The following MED17 variants were observed in gnomAD, a reference collection of about 807,000 sequenced individuals.
MED17 encodes mediator complex subunit 17, also known as mediator of RNA polymerase II transcription subunit 17.
MED17 carries 49 observed loss-of-function variants against 80.8 expected under a neutral mutation model. The observed-to-expected ratio is 0.61, with a 90% CI of 0.48 to 0.77. MED17 has a LOEUF of 0.77. Ranked by LOEUF, MED17 falls within the 30% of genes least tolerant of loss-of-function variation. The pLI, the probability that MED17 is intolerant of heterozygous loss-of-function variation, is 0.00. For missense variants in MED17, 718 were observed against 787.0 expected, an observed-to-expected ratio of 0.91 and a Z score of 1.05; for synonymous variants, 281 against 280.4, an observed-to-expected ratio of 1.00 and a Z score of -0.02.
At chr11:93,802,673 A>G (rs669565) in intron 9 of MED17, among the ~76,000 whole-genome samples, 123,027 of 152,064 alleles carry the variant, frequency 0.81, 50,805 homozygotes, top group Non-Finnish European at 0.88. Flanking sequence ...ATTCTAGCCT[A>G]TACTCTCCAT....
rs1032631868 is a variant in MED17, at chr11:93,796,313, C to T, written c.1013-97C>T. The T allele has an allele frequency of 3.3e-5, 38 of 1,161,696 alleles. 1 individual carries two copies. Among genetic ancestry groups the T allele is most frequent in the Admixed American group, 2.2e-4 (13 of 57,922 alleles). The allele number at this position is 1,161,696 out of a possible 1,614,324, so 72.0% of individuals were successfully genotyped here. Reference sequence around the variant, plus strand: ...TCTGATCTTCAAGTTTAGAATATATCTTTTGAAAATGAACTATGATTATAC... The same window carrying T: ...TCTGATCTTCAAGTTTAGAATATATTTTTTGAAAATGAACTATGATTATAC... On this transcript the variant is annotated intron_variant, in intron 6 of 11. Coordinates refer to ENST00000251871, the MANE Select transcript of MED17 (RefSeq NM_004268.5).
At chr11:93,811,605 G>A in intron 11 of MED17, 1 of 513,596 alleles carries the variant, frequency 1.9e-6, no homozygotes, top group Non-Finnish European at 3.5e-6. Flanking sequence ...GACATTCCTA[G>A]GTCAAAACTC....
intron 9 of MED17, among the ~76,000 whole-genome samples, chr11:93,802,524 CAT>C (rs1410525427): frequency 6.6e-6 from 1 of 152,136 alleles, no homozygotes; most frequent in Non-Finnish European, 1.5e-5. Context: ...GTAAATGTCA[CAT>C]ATTTGAGCTG....
intron 10 of MED17, chr11:93,808,481 T>C (rs1301440488): frequency 6.6e-6 from 1 of 151,466 alleles, no homozygotes; most frequent in Admixed American, 6.6e-5. Context: ...TCTAACTGTA[T>C]TTTCCCTAAT....
At chr11:93,791,270 T>C (rs1475766805) in intron 3 of MED17, among the ~76,000 whole-genome samples, 1 of 152,228 alleles carries the variant, frequency 6.6e-6, no homozygotes. Flanking sequence ...CTAGTTTCTA[T>C]TTCAAAACCT....
intron 7 of MED17, chr11:93,796,816 G>A (rs1943908541): frequency 2.4e-6 from 1 of 411,624 alleles, no homozygotes; most frequent in Non-Finnish European, 4.6e-6. Context: ...GGGTGATTCT[G>A]ACCGGGGGAG....
At position 93,794,951 on chromosome 11, in the gene MED17, T is replaced by C. The variant is rs1943884490; in HGVS notation, c.903T>C (p.Val301=). ...CAAAATTAGAAGCGGCACAGAATGT[T>C]CTCTTATGTAAAGAAATTTTTGCAC... ...WQTKLEAAQN[V]LLCKEIFAQL... Residue 301 remains valine, a synonymous_variant, in exon 6 of 12, where the codon GTT becomes GTC. Coordinates refer to ENST00000251871, the MANE Select transcript of MED17 (RefSeq NM_004268.5). 3.1e-6 allele frequency: 5 copies of C among 1,614,090 alleles called. No homozygotes were observed. The highest frequency in any genetic ancestry group is 4.2e-6 in the Non-Finnish European group (5 of 1,180,024).
At position 93,811,684 on chromosome 11, in the gene MED17, T is replaced by TA. The variant is rs1192874660; in HGVS notation, c.1745-168dup. ...TTATACCATCCTCTTATATAGAAGT[T>TA]AGAGTTTTTCTCTTGCATGTTGAAA... On this transcript the variant is annotated intron_variant, in intron 11 of 11. Transcript: ENST00000251871. The TA allele has an allele frequency of 1.3e-5, 8 of 625,456 alleles. No individual in the cohort carries two copies. The African/African-American group carries it at 1.3e-4, about 10-fold the overall frequency. The allele number at this position is 625,456 out of a possible 1,614,324, so 38.7% of individuals were successfully genotyped here. A position where few individuals can be genotyped will look rare whatever the true frequency, so the allele number is the denominator to read the frequency against.
At chr11:93,794,762 CTCTA>C in intron 5 of MED17, 142 bp from the exon 6 acceptor site, 1 of 867,744 alleles carries the variant, frequency 1.2e-6, no homozygotes, top group East Asian at 2.6e-5. Context: ...TTTTGACAGT[CTCTA>C]TAGAGACTGA....
chr11:93,789,509 G>A (rs148044495), intron 2 of MED17: 1 of 152,084 alleles, frequency 6.6e-6, no homozygotes, highest in African/African-American at 2.4e-5. Flanking sequence ...TGTTTATGAA[G>A]CTTTTTATGT....
Position 93,812,864 on chromosome 11 carries a change from T to C in MED17, c.*800T>C, listed in dbSNP as rs1944097340. 1 of 152,324 alleles carries C rather than the reference T, an allele frequency of 6.6e-6. No homozygotes were observed. Among genetic ancestry groups the C allele is most frequent in the Non-Finnish European group, 1.5e-5 (1 of 68,148 alleles). The allele number at this position is 152,324 out of a possible 1,614,324, so 9.4% of individuals were successfully genotyped here. On this transcript the variant is annotated 3_prime_UTR_variant, in exon 12 of 12. Coordinates refer to ENST00000251871, the MANE Select transcript of MED17 (RefSeq NM_004268.5). ...AAGGCAATAGGAGGCAGATTATCTC[T>C]TTAGGGCGTCCTCAAGTTTTTTTGG...
chr11:93,786,696 G>A (rs1943774626), intron 1 of MED17, among the ~76,000 whole-genome samples: 1 of 152,102 alleles, frequency 6.6e-6, no homozygotes, highest in African/African-American at 2.4e-5. Context: ...TTAAATACCT[G>A]ATGTCAGGTG....
At chr11:93,794,607 G>A in intron 5 of MED17, 1 of 445,820 alleles carries the variant, frequency 2.2e-6, no homozygotes, top group Non-Finnish European at 4.1e-6. Flanking sequence ...AACCCAGTGA[G>A]GTTTATCTGT....
intron 3 of MED17, chr11:93,793,359 C>A: frequency 4.3e-6 from 1 of 230,490 alleles, no homozygotes; most frequent in Non-Finnish European, 8.5e-6. Flanking sequence ...TCAGGTGATC[C>A]ATCCGCCTCG....
At chr11:93,796,250 C>T (rs1943900031) in intron 6 of MED17, 160 bp from the exon 7 acceptor site, 9 of 757,120 alleles carry the variant, frequency 1.2e-5, no homozygotes, top group Non-Finnish European at 1.9e-5. Context: ...CGCACCCGGC[C>T]AAATAGTAAT....
chr11:93,793,534 A>G (rs1943865090), intron 3 of MED17, 194 bp from the exon 4 acceptor site: 1 of 539,368 alleles, frequency 1.9e-6, no homozygotes, highest in African/African-American at 1.9e-5. Context: ...TTTAAGGTAA[A>G]TAACCACCCC....
chr11:93,792,472 G>T (rs1943847404), intron 3 of MED17, among the ~76,000 whole-genome samples: 1 of 152,168 alleles, frequency 6.6e-6, no homozygotes, highest in African/African-American at 2.4e-5. Context: ...TTTCTTTGGG[G>T]TAGTCACTCA....
chr11:93,794,982 T>C lies in MED17; in HGVS notation c.934T>C (p.Ser312Pro). Residue 312 changes from serine (S) to proline (P), a missense_variant, in exon 6 of 12, where the codon TCT (serine) becomes CCT (proline). Transcript: ENST00000251871. ...ATGTAAAGAAATTTTTGCACAGCTC[T>C]CTCGGGAAGCTGTTCAAATTAAATC... ...LLCKEIFAQLSREAVQIKSQV... is the reference protein window; with the variant it reads ...LLCKEIFAQLPREAVQIKSQV... 6.2e-7 allele frequency: 1 copy of C among 1,614,140 alleles called. No individual in the cohort carries two copies. Among genetic ancestry groups the C allele is most frequent in the Non-Finnish European group, 8.5e-7 (1 of 1,179,988 alleles).
intron 10 of MED17, chr11:93,808,887 C>T (rs1944057894): frequency 6.6e-6 from 1 of 152,564 alleles, no homozygotes; most frequent in African/African-American, 2.4e-5. Context: ...AGGAATGGCA[C>T]TCATGCTGTC....
Sources: allele counts gnomAD v4.1 joint callset (sites outside exome capture counted in the v4.1 genomes callset), GRCh38; gene constraint gnomAD v4.1.1; transcripts MANE v1.5; gene names NCBI Gene and HGNC (gene_info 2026-07-23, HGNC 2026-07-21).